Variants in NIBAN3 observed in about 807,000 individuals in gnomAD.
NIBAN3 encodes niban apoptosis regulator 3.
A neutral mutation model predicts 76.4 loss-of-function variants in NIBAN3; 66 were observed. That is an observed-to-expected ratio of 0.86 (90% CI 0.71 to 1.06). The LOEUF (loss-of-function observed/expected upper bound fraction) is 1.06, where lower values mean the gene tolerates loss of function less well. NIBAN3 is among the 50% of genes least tolerant of loss of function. NIBAN3 has a pLI of 0.00. For synonymous variants in NIBAN3, 360 were observed against 355.2 expected (o/e 1.01, Z -0.15); for missense variants, 808 against 810.7 (o/e 1.00, Z 0.04).
At chr19:17,540,811 G>T (rs555049227) in intron 9 of NIBAN3, among the ~76,000 whole-genome samples, 1 of 152,338 alleles carries the variant, frequency 6.6e-6, no homozygotes, top group East Asian at 1.9e-4. Context: ...TTAACTCACT[G>T]CAGCCTCGAC....
chr19:17,539,674 G>A lies in NIBAN3; in HGVS notation c.888G>A (p.Lys296=), dbSNP rs773039404. Residue 296 remains lysine, a synonymous_variant, in exon 8 of 15, where the codon AAG becomes AAA. Transcript: ENST00000599164. The stretch of plus-strand genomic sequence containing the variant: ...GGCTCTGCGCCTTCCAGCCCGAAAA[G>A]GACGAGCTGCTTGCGTCGCTGGAGA... ...SAGLCAFQPE[K]DELLASLEKT... 2.6e-6 allele frequency: 4 copies of A among 1,559,306 alleles called. No homozygotes were observed. Among genetic ancestry groups the A allele is most frequent in the African/African-American group, 2.7e-5 (2 of 73,450 alleles).
upstream of NIBAN3, chr19:17,527,170 G>T: frequency 6.6e-7 from 1 of 1,508,172 alleles, no homozygotes. Flanking sequence ...TGGGCAACAC[G>T]GGCCCCAGGG....
At chr19:17,540,671 C>A in intron 9 of NIBAN3, 89 bp downstream of exon 9, 1 of 1,062,632 alleles carries the variant, frequency 9.4e-7, no homozygotes, top group Non-Finnish European at 1.3e-6. Context: ...TGAATTTGTT[C>A]TAGGCTGCTT....
chr19:17,555,471 C>T (rs2076203700), downstream of NIBAN3: 1 of 246,696 alleles, frequency 4.1e-6, no homozygotes. Flanking sequence ...ACATCCCTTC[C>T]ACGCGCTCCG....
At chr19:17,555,403 C>T (rs373322390), downstream of NIBAN3, among the ~76,000 whole-genome samples, 4 of 152,204 alleles carry the variant, frequency 2.6e-5, no homozygotes, top group African/African-American at 9.6e-5. Context: ...TGGCGGAGGT[C>T]TCAGTGGTAG....
chr19:17,544,300 T>A (rs1241040490), intron 12 of NIBAN3, among the ~76,000 whole-genome samples: 1 of 152,204 alleles, frequency 6.6e-6, no homozygotes, highest in African/African-American at 2.4e-5. Flanking sequence ...TGTCTCTTTT[T>A]AAGAGACTTC....
rs749147261 is a variant in NIBAN3, at chr19:17,539,361, G to A, written c.726G>A (p.Val242=). ...CTCTCCTGCAGGTGCTGACCGCGGT[G>A]CTGATGCGGGAGCAACTTCCCGCGC... ...LGSDAEVLTA[V]LMREQLPALR... is the part of the protein sequence containing the mutation. The change falls in exon 7 of 15, where the codon GTG becomes GTA. Residue 242 remains valine (V), a synonymous_variant. Coordinates refer to ENST00000599164, the MANE Select transcript of NIBAN3 (RefSeq NM_001321827.2). The A allele has an allele frequency of 1.2e-4, 185 of 1,545,094 alleles. No individual in the cohort carries two copies. Among genetic ancestry groups the A allele is most frequent in the Non-Finnish European group, 1.5e-4 (174 of 1,146,966 alleles).
chr19:17,527,476 A>C (rs1362125779), intron 1 of NIBAN3, 81 bp downstream of exon 1: 100 of 1,405,714 alleles, frequency 7.1e-5, no homozygotes, highest in Non-Finnish European at 9.2e-5. Context: ...TCCATGCAGC[A>C]GATGGGGTTC....
chr19:17,537,447 C>G lies in NIBAN3; in HGVS notation c.499C>G (p.Pro167Ala), dbSNP rs771665151. 4.3e-6 allele frequency: 7 copies of G among 1,614,032 alleles called. No individual in the cohort carries two copies. Among genetic ancestry groups the G allele is most frequent in the Non-Finnish European group, 5.9e-6 (7 of 1,180,016 alleles). The change falls in exon 5 of 15, where the codon CCC becomes GCC. Residue 167 changes from proline (P) to alanine (A), a missense_variant. Transcript: ENST00000599164. Reference protein sequence around the residue: ...PVSFPLFLQHPFRRHLCFSAA... With the variant: ...PVSFPLFLQHAFRRHLCFSAA... Reference sequence around the variant, plus strand: ...GAGCTTCCCGCTGTTCCTGCAGCACCCCTTCCGCCGGCACCTCTGCTTCTC... The same window carrying G: ...GAGCTTCCCGCTGTTCCTGCAGCACGCCTTCCGCCGGCACCTCTGCTTCTC...
intron 9 of NIBAN3, 98 bp downstream of exon 9, chr19:17,540,680 T>G: frequency 1.0e-6 from 1 of 982,332 alleles, no homozygotes; most frequent in Non-Finnish European, 1.4e-6. Flanking sequence ...TCTAGGCTGC[T>G]TTTTACTTAT....
chr19:17,537,902 C>T (rs865841080), intron 5 of NIBAN3, among the ~76,000 whole-genome samples: 4 of 150,216 alleles, frequency 2.7e-5, no homozygotes, highest in East Asian at 2.0e-4. Context: ...GCCAAGATCG[C>T]GGCACTGCAC....
chr19:17,531,240 T>G (rs949496176), intron 2 of NIBAN3, among the ~76,000 whole-genome samples: 2 of 151,428 alleles, frequency 1.3e-5, no homozygotes, highest in African/African-American at 4.8e-5. Context: ...GGCAGGAGAA[T>G]CGTTTGAACC....
chr19:17,542,279 A>C lies in NIBAN3; in HGVS notation c.1314A>C (p.Gln438His). The change falls in exon 10 of 15, where the codon CAA (glutamine) becomes CAC (histidine). Residue 438 changes from glutamine to histidine, a missense_variant. Transcript: ENST00000599164. The surrounding 1 kb of genome is among the most constrained non-coding windows in gnomAD (Gnocchi z 4.8). ...LGMQSLVFGA[Q>H]DLAQQLMADA... ...TGCAGAGCCTCGTGTTTGGGGCCCA[A>C]GATCTTGCACAGCAGGTGAGGGTGA... 6.2e-7 allele frequency: 1 copy of C among 1,611,008 alleles called. No homozygotes were observed. The highest frequency in any genetic ancestry group is 1.1e-5 in the South Asian group (1 of 90,656).
downstream of NIBAN3, among the ~76,000 whole-genome samples, chr19:17,554,289 G>A (rs2076195983): frequency 3.3e-5 from 5 of 151,942 alleles, no homozygotes; most frequent in Admixed American, 3.3e-4. Flanking sequence ...AGAACAGCCG[G>A]GGCAACATAG....
Position 17,546,712 on chromosome 19 carries a change from C to A in NIBAN3, c.1581C>A (p.Val527=). 1.3e-6 allele frequency: 2 copies of A among 1,596,484 alleles called. No homozygotes were observed. Among genetic ancestry groups the A allele is most frequent in the Admixed American group, 1.8e-5 (1 of 56,814 alleles). ...AGCTGCCTGAGTTCGAGGGGGATGTCCTTGCCGTGGGCAGCCAGGCTCTGA... is the reference window on the plus strand; with the variant it reads ...AGCTGCCTGAGTTCGAGGGGGATGTACTTGCCGTGGGCAGCCAGGCTCTGA... ...KKELPEFEGD[V]LAVGSQALTT... The change falls in exon 13 of 15, where the codon GTC becomes GTA. Residue 527 remains valine (V), a synonymous_variant. Transcript: ENST00000599164.
chr19:17,547,600 C>G (rs999871145), intron 13 of NIBAN3, among the ~76,000 whole-genome samples: 10 of 150,090 alleles, frequency 6.7e-5, no homozygotes, highest in African/African-American at 2.0e-4. Flanking sequence ...TGATCCTCCC[C>G]CCTTGGGCTC....
intron 4 of NIBAN3, among the ~76,000 whole-genome samples, 192 bp downstream of exon 4, chr19:17,533,893 G>A (rs1233935858): frequency 6.6e-6 from 1 of 152,152 alleles, no homozygotes; most frequent in Non-Finnish European, 1.5e-5. Context: ...CTCCAGCATT[G>A]CCAAGTGTCT....
chr19:17,545,321 C>T (rs2076032459), intron 12 of NIBAN3: 1 of 157,516 alleles, frequency 6.3e-6, no homozygotes. Context: ...CCCATCTCAG[C>T]CTCCCAAGTA....
At chr19:17,525,764 GGA>G (rs1346996632), upstream of NIBAN3, among the ~76,000 whole-genome samples, 9 of 152,226 alleles carry the variant, frequency 5.9e-5, no homozygotes, top group East Asian at 1.7e-3. Context: ...AGGTCAGCAC[GGA>G]GAGTTTTGGG....
Sources: allele counts gnomAD v4.1 joint callset (sites outside exome capture counted in the v4.1 genomes callset), GRCh38; gene constraint gnomAD v4.1.1; non-coding constraint Gnocchi (gnomAD v3.1); transcripts MANE v1.5; gene names NCBI Gene and HGNC (gene_info 2026-07-23, HGNC 2026-07-21).